Variants in RAP1A observed in about 807,000 individuals in gnomAD.
The protein encoded by RAP1A is RAP1A, member of RAS oncogene family.
Under a neutral mutation model 26.4 loss-of-function variants are expected in RAP1A, and 6 were observed. The ratio of observed to expected loss-of-function variants is 0.23; its 90% confidence interval spans 0.12 to 0.45. The LOEUF (loss-of-function observed/expected upper bound fraction) is 0.45. Ranked by LOEUF, RAP1A falls within the 20% of genes least tolerant of loss-of-function variation. The pLI, the probability that RAP1A is intolerant of heterozygous loss-of-function variation, is 0.99. For synonymous variants in RAP1A, 73 were observed against 79.4 expected, an observed-to-expected ratio of 0.92 and a Z score of 0.43; for missense variants, 121 against 217.2, an observed-to-expected ratio of 0.56 and a Z score of 2.78.
rs1465528298 is a variant in RAP1A, at chr1:111,704,951, A to G, written c.468+465A>G. ...GTGGGTAATCTGTGTGGGTATGGAC[A>G]TGTACCTGGAATTCACTCAGTCCTT... On this transcript the variant is annotated intron_variant, in intron 6 of 7. Coordinates refer to ENST00000369709, the MANE Select transcript of RAP1A (RefSeq NM_002884.4). Among the ~76,000 whole-genome samples the G allele has an allele frequency of 2.0e-5, 3 of 152,186 alleles. No individual in the cohort carries two copies. In the South Asian group the frequency reaches 6.2e-4, roughly 32 times the overall value.
At chr1:111,574,494 A>AT (rs1658108886) in intron 1 of RAP1A, among the ~76,000 whole-genome samples, 1 of 152,238 alleles carries the variant, frequency 6.6e-6, no homozygotes, top group South Asian at 2.1e-4. Context: ...TCTGTGAAGA[A>AT]TGTCACTGGT....
chr1:111,551,225 T>C (rs1259039422), intron 1 of RAP1A, among the ~76,000 whole-genome samples: 1 of 152,216 alleles, frequency 6.6e-6, no homozygotes, highest in East Asian at 1.9e-4. Flanking sequence ...AGCTAATTCA[T>C]TCACATTTAA....
chr1:111,706,700 G>A, intron 6 of RAP1A: 2 of 984,948 alleles, frequency 2.0e-6, no homozygotes, highest in Admixed American at 6.1e-5. Flanking sequence ...AAGAACCTAG[G>A]CTGGGGCCTT....
intron 1 of RAP1A, chr1:111,649,537 G>C (rs1022158833): frequency 3.7e-6 from 1 of 268,674 alleles, no homozygotes; most frequent in Non-Finnish European, 7.5e-6. Context: ...GAAGCGAGTG[G>C]TAAAGCTCAT....
intron 1 of RAP1A, among the ~76,000 whole-genome samples, chr1:111,620,785 G>A (rs72695268): frequency 0.14 from 20,770 of 152,128 alleles, 1,661 homozygotes; most frequent in South Asian, 0.17. Context: ...TAGCGGCTTG[G>A]TAAGAGTATC....
Position 111,598,378 on chromosome 1 carries a change from C to T in RAP1A, c.-28+55869C>T, listed in dbSNP as rs998301963. 2.0e-5 allele frequency among the ~76,000 whole-genome samples: 3 copies of T among 152,090 alleles called. No homozygotes were observed. The East Asian group carries it at 5.8e-4, about 29-fold the overall frequency. ...GTTTACATATAAGTAAAGTTGTCCA[C>T]ATCACAAGGAAATACCAGAGCCCAG... On this transcript the variant is annotated intron_variant, in intron 1 of 7. Transcript: ENST00000356415.
At position 111,619,806 on chromosome 1, in the gene RAP1A, C is replaced by G. The variant is rs911467876; in HGVS notation, c.-156C>G. ...GAGGCGCCGCCGCCGCTCCCGAGGC[C>G]CCTGCCGCCGCCGCTCCCGCTGCTG... On this transcript the variant is annotated 5_prime_UTR_variant, in exon 1 of 8. Coordinates refer to ENST00000369709, the MANE Select transcript of RAP1A (RefSeq NM_002884.4). 3 of 398,962 alleles carry G rather than the reference C, an allele frequency of 7.5e-6. No homozygotes were observed. Among genetic ancestry groups the G allele is most frequent in the Non-Finnish European group, 1.3e-5 (3 of 226,742 alleles). 24.7% of individuals were successfully genotyped at this position (398,962 alleles called of 1,614,324 possible). A position where few individuals can be genotyped will look rare whatever the true frequency, so the allele number is the denominator to read the frequency against.
At chr1:111,678,923 C>G (rs1193595356) in intron 1 of RAP1A, among the ~76,000 whole-genome samples, 2 of 151,902 alleles carry the variant, frequency 1.3e-5, no homozygotes, top group Non-Finnish European at 2.9e-5. Flanking sequence ...CTATACCTAG[C>G]TTAGTGCAAT....
chr1:111,658,161 AT>A (rs1227843766), intron 1 of RAP1A, among the ~76,000 whole-genome samples: 4 of 152,174 alleles, frequency 2.6e-5, no homozygotes, highest in Non-Finnish European at 4.4e-5. Flanking sequence ...TTATTAGGCA[AT>A]TTGTTAAATT....
rs1288692018 is a variant in RAP1A, at chr1:111,716,519, G to A, written c.*4118G>A. 6.6e-6 allele frequency: 1 copy of A among 152,182 alleles called. No individual in the cohort carries two copies. Among genetic ancestry groups the A allele is most frequent in the Non-Finnish European group, 1.5e-5 (1 of 68,020 alleles). The allele number at this position is 152,182 out of a possible 1,614,324, so 9.4% of individuals were successfully genotyped here. ...GATTCTGTTTTGTAGACATTAATGA[G>A]CTTTAAATGGGAATTGGGGATGATG... On this transcript the variant is annotated 3_prime_UTR_variant, in exon 8 of 8. Coordinates refer to ENST00000369709, the MANE Select transcript of RAP1A (RefSeq NM_002884.4).
chr1:111,617,599 A>AT (rs977000595), upstream of RAP1A, among the ~76,000 whole-genome samples: 18 of 151,304 alleles, frequency 1.2e-4, no homozygotes, highest in African/African-American at 4.4e-4. Flanking sequence ...CGCCTGGCTA[A>AT]TTTTTTTTGT....
intron 1 of RAP1A, among the ~76,000 whole-genome samples, chr1:111,562,067 C>G (rs1032491790): frequency 3.9e-5 from 6 of 152,206 alleles, no homozygotes; most frequent in African/African-American, 1.4e-4. Context: ...AGCCACCCCA[C>G]CCTGTGATTC....
At chr1:111,621,399 T>C (rs755756544) in intron 1 of RAP1A, among the ~76,000 whole-genome samples, 3 of 152,120 alleles carry the variant, frequency 2.0e-5, no homozygotes, top group Non-Finnish European at 4.4e-5. Flanking sequence ...CCTATAACAT[T>C]GTTGTTTTGA....
chr1:111,544,062 C>G lies in RAP1A; in HGVS notation c.-28+1553C>G, dbSNP rs561361640. ...CAAATGTATAGCCTTCAGTTTGAAGCATTTGAACATGTTTAAAGTCAAATT... is the reference window on the plus strand; with the variant it reads ...CAAATGTATAGCCTTCAGTTTGAAGGATTTGAACATGTTTAAAGTCAAATT... On this transcript the variant is annotated intron_variant, in intron 1 of 7. Coordinates refer to the RAP1A transcript ENST00000356415. Among the ~76,000 whole-genome samples, 3 of 152,330 alleles carry G rather than the reference C, an allele frequency of 2.0e-5. No individual in the cohort carries two copies. In the South Asian group the frequency reaches 6.2e-4, roughly 32 times the overall value.
intron 1 of RAP1A, among the ~76,000 whole-genome samples, chr1:111,620,400 C>T (rs574483130): frequency 2.0e-5 from 3 of 151,992 alleles, no homozygotes; most frequent in Non-Finnish European, 2.9e-5. Flanking sequence ...AGGGTCAGAG[C>T]TTCCTTCAAA....
Position 111,623,186 on chromosome 1 carries a change from T to TAAGG in RAP1A, c.-28+3252_-28+3253insAAGG, listed in dbSNP as rs1486553294. 9.8e-4 allele frequency among the ~76,000 whole-genome samples: 3 copies of TAAGG among 3,058 alleles called. No homozygotes were observed. The African/African-American group carries it at 0.013, about 13-fold the overall frequency. The allele number at this position is 3,058 out of a possible 152,430, so 2.0% of individuals were successfully genotyped here. A position where few individuals can be genotyped will look rare whatever the true frequency, so the allele number is the denominator to read the frequency against. On this transcript the variant is annotated intron_variant, in intron 1 of 7. Transcript: ENST00000369709. ...GTACCCACCACCACGCCCAGATAAT[T>TAAGG]TTTTTTTTTTTTAATCGTTAGTAGA...
chr1:111,567,120 C>G lies in RAP1A; in HGVS notation c.-28+24611C>G, dbSNP rs187301779. ...AAACATGAATAAGAACAGACATAGG[C>G]CCCGCCCTCAAGAAGTCCACCATTT... On this transcript the variant is annotated intron_variant, in intron 1 of 7. Transcript: ENST00000356415. Among the ~76,000 whole-genome samples, 146 of 152,078 alleles carry G rather than the reference C, an allele frequency of 9.6e-4. 1 individual carries two copies. The highest frequency in any genetic ancestry group is 3.4e-3 in the African/African-American group (139 of 41,476).
chr1:111,547,502 AC>A (rs1657078397), intron 1 of RAP1A, among the ~76,000 whole-genome samples: 1 of 152,192 alleles, frequency 6.6e-6, no homozygotes, highest in Non-Finnish European at 1.5e-5. Flanking sequence ...TAAAATATAA[AC>A]TAATTTCTCA....
intron 1 of RAP1A, among the ~76,000 whole-genome samples, chr1:111,686,261 A>G (rs1020147606): frequency 6.6e-6 from 1 of 152,196 alleles, no homozygotes; most frequent in Non-Finnish European, 1.5e-5. Context: ...TCCAGAATTT[A>G]AAGTATAATA....
Sources: allele counts gnomAD v4.1 joint callset (sites outside exome capture counted in the v4.1 genomes callset), GRCh38; gene constraint gnomAD v4.1.1; transcripts MANE v1.5; gene names NCBI Gene and HGNC (gene_info 2026-07-23, HGNC 2026-07-21).